Variants in STAB2 observed in about 807,000 individuals in gnomAD.
STAB2 encodes the protein stabilin 2, also known as stabilin-2.
Under a neutral mutation model 338.1 loss-of-function variants are expected in STAB2, and 288 were observed. That is an observed-to-expected ratio of 0.85 (90% CI 0.77 to 0.94). STAB2 has a LOEUF of 0.94. STAB2 is among the 40% of genes least tolerant of loss of function. The pLI, the probability that STAB2 is intolerant of heterozygous loss-of-function variation, is 0.00. For synonymous variants in STAB2, 1,202 were observed against 1,193.3 expected (o/e 1.01, Z -0.15); for missense variants, 3,141 against 3,210.1 (o/e 0.98, Z 0.52).
At chr12:103,697,749 G>T (rs899704296) in intron 33 of STAB2, among the ~76,000 whole-genome samples, 1 of 152,194 alleles carries the variant, frequency 6.6e-6, no homozygotes, top group Non-Finnish European at 1.5e-5. Flanking sequence ...TAAATGAAAG[G>T]TTAAAGTGAG....
chr12:103,625,144 T>C (rs964911749), intron 5 of STAB2, among the ~76,000 whole-genome samples: 7 of 152,124 alleles, frequency 4.6e-5, no homozygotes, highest in South Asian at 2.1e-4. Flanking sequence ...AAATAAAGCA[T>C]CCAGCGTTGC....
At chr12:103,749,841 C>CCAAAAAAAA (rs1378859906) in intron 59 of STAB2, among the ~76,000 whole-genome samples, 1 of 51,132 alleles carries the variant, frequency 2.0e-5, no homozygotes, top group East Asian at 6.3e-4. Flanking sequence ...CTCTGTCTCA[C>CCAAAAAAAA]AAAAAAAAAA....
intron 27 of STAB2, among the ~76,000 whole-genome samples, chr12:103,686,536 ACT>A (rs1442650682): frequency 6.6e-6 from 1 of 151,844 alleles, no homozygotes; most frequent in Non-Finnish European, 1.5e-5. Flanking sequence ...ACAAGATCTC[ACT>A]CTGTTGCCCA....
chr12:103,668,347 A>G (rs1230061375), intron 19 of STAB2, among the ~76,000 whole-genome samples: 1 of 152,226 alleles, frequency 6.6e-6, no homozygotes, highest in Non-Finnish European at 1.5e-5. Context: ...CGTATCCAGA[A>G]TGAACAGAAA....
intron 35 of STAB2, among the ~76,000 whole-genome samples, chr12:103,704,275 AG>A (rs1376798642): frequency 1.3e-5 from 2 of 152,194 alleles, no homozygotes; most frequent in Non-Finnish European, 2.9e-5. Flanking sequence ...TTCACTTAAT[AG>A]TTGGTTTTTA....
intron 44 of STAB2, among the ~76,000 whole-genome samples, chr12:103,720,991 A>G (rs959641003): frequency 6.6e-6 from 1 of 152,248 alleles, no homozygotes; most frequent in Non-Finnish European, 1.5e-5. Flanking sequence ...AGGGAGGCAC[A>G]TCTCATAGAA....
chr12:103,675,914 ACT>A lies in STAB2; in HGVS notation c.2553-10_2553-9del. ...GCTTATTCTGGGGCTGATATTGCACACTCTCCTTTGCAGTTGTATTTGCAAAG... is the reference window on the plus strand; with the variant it reads ...GCTTATTCTGGGGCTGATATTGCACACTCCTTTGCAGTTGTATTTGCAAAG... On this transcript the variant is annotated splice_polypyrimidine_tract_variant and intron_variant, in intron 23 of 68. Coordinates refer to ENST00000388887, the MANE Select transcript of STAB2 (RefSeq NM_017564.10). The A allele has an allele frequency of 3.1e-6, 5 of 1,600,966 alleles. No homozygotes were observed. Among genetic ancestry groups the A allele is most frequent in the Non-Finnish European group, 4.3e-6 (5 of 1,173,670 alleles).
At chr12:103,596,777 G>A (rs900490173) in intron 3 of STAB2, among the ~76,000 whole-genome samples, 1 of 151,926 alleles carries the variant, frequency 6.6e-6, no homozygotes, top group African/African-American at 2.4e-5. Context: ...AATGAGGCAA[G>A]GTCCACATCT....
At chr12:103,715,672 G>A in intron 42 of STAB2, 143 bp from the exon 43 acceptor site, 1 of 862,132 alleles carries the variant, frequency 1.2e-6, no homozygotes, top group Non-Finnish European at 1.8e-6. Flanking sequence ...AGTTATTTCT[G>A]TCTCAGAACT....
chr12:103,761,742 A>C (rs1884555739), intron 66 of STAB2, among the ~76,000 whole-genome samples: 1 of 152,150 alleles, frequency 6.6e-6, no homozygotes, highest in African/African-American at 2.4e-5. Context: ...TCTGAGTCCC[A>C]ATTTTCTCAT....
At chr12:103,661,926 G>A (rs1180026924) in intron 17 of STAB2, among the ~76,000 whole-genome samples, 6 of 152,140 alleles carry the variant, frequency 3.9e-5, no homozygotes, top group Non-Finnish European at 8.8e-5. Context: ...GGCCTAAGAA[G>A]TCAGGGTAAG....
intron 38 of STAB2, among the ~76,000 whole-genome samples, chr12:103,707,512 A>T (rs1879469759): frequency 6.6e-6 from 1 of 152,180 alleles, no homozygotes; most frequent in African/African-American, 2.4e-5. Context: ...TTGCTTTTAG[A>T]TCATGCTGTT....
chr12:103,598,214 G>C (rs1679154117), intron 3 of STAB2, among the ~76,000 whole-genome samples: 1 of 152,202 alleles, frequency 6.6e-6, no homozygotes, highest in Admixed American at 6.5e-5. Flanking sequence ...TTTCTGCCTA[G>C]CACTGTTCAC....
rs556618011 is a variant in STAB2 at position 103,684,651 on chromosome 12, A to G, written c.2902-338A>G. On this transcript the variant is annotated intron_variant, in intron 26 of 68. Coordinates refer to ENST00000388887, the MANE Select transcript of STAB2 (RefSeq NM_017564.10). ...ATTTCAGATGCACAAGTATGTGTTG[A>G]AAAATCTTTCAGCACAAGTATGCCC... Among the ~76,000 whole-genome samples, 18 of 152,378 alleles carry G rather than the reference A, an allele frequency of 1.2e-4. 1 individual carries two copies. The highest frequency in any genetic ancestry group is 4.1e-4 in the African/African-American group (17 of 41,590).
At chr12:103,712,778 T>G (rs564694861) in intron 41 of STAB2, among the ~76,000 whole-genome samples, 1 of 152,348 alleles carries the variant, frequency 6.6e-6, no homozygotes, top group Admixed American at 6.5e-5. Context: ...TCCAATTATG[T>G]GTCCATTAAA....
intron 68 of STAB2, among the ~76,000 whole-genome samples, chr12:103,764,008 T>TG (rs1566088194): frequency 1.3e-5 from 2 of 151,834 alleles, no homozygotes; most frequent in African/African-American, 2.4e-5. Context: ...TTCTTTGAGA[T>TG]GGAGTCTCAC....
chr12:103,652,478 T>C (rs530996117), intron 11 of STAB2, 78 bp from the exon 12 acceptor site: 62 of 1,366,768 alleles, frequency 4.5e-5, no homozygotes, highest in South Asian at 2.0e-4. Flanking sequence ...ATGTCTTTGA[T>C]AATAAGTAAG....
At position 103,653,731 on chromosome 12, in the gene STAB2, GATGGATGGATGGATGA is replaced by G. The variant is rs1209742545; in HGVS notation, c.1408-808_1408-793del. 4.7e-3 allele frequency among the ~76,000 whole-genome samples: 704 copies of G among 150,962 alleles called. 8 individuals carry two copies. The highest frequency in any genetic ancestry group is 0.016 in the African/African-American group (666 of 40,936). ...GGATAGATGGATGGATGGATGGATG[GATGGATGGATGGATGA>G]ATGGATGGATGGATGGACGGATGGA... On this transcript the variant is annotated intron_variant, in intron 12 of 68. Coordinates refer to ENST00000388887, the MANE Select transcript of STAB2 (RefSeq NM_017564.10).
intron 48 of STAB2, among the ~76,000 whole-genome samples, chr12:103,729,841 C>T (rs1881494876): frequency 6.6e-6 from 1 of 152,102 alleles, no homozygotes; most frequent in Non-Finnish European, 1.5e-5. Context: ...AAAAGAGAAG[C>T]CAATTTTGAG....
Sources: allele counts gnomAD v4.1 joint callset (sites outside exome capture counted in the v4.1 genomes callset), GRCh38; gene constraint gnomAD v4.1.1; transcripts MANE v1.5; gene names NCBI Gene and HGNC (gene_info 2026-07-23, HGNC 2026-07-21).